Variants in AP1G1 observed in about 807,000 individuals in gnomAD.
AP1G1 encodes the protein AP-1 complex subunit gamma-1.
In AP1G1, 7 loss-of-function variants were observed where a neutral mutation model predicts 108.3. The observed-to-expected ratio is 0.06, with a 90% CI of 0.04 to 0.12. The LOEUF (loss-of-function observed/expected upper bound fraction) is 0.12. Ranked by LOEUF, AP1G1 falls within the 10% of genes least tolerant of loss-of-function variation. The pLI is 1.00. For missense variants in AP1G1, 756 were observed against 1,010.7 expected (o/e 0.75, Z 3.42); for synonymous variants, 379 against 353.5 (o/e 1.07, Z -0.81).
rs893639072 is a variant in AP1G1, at chr16:71,771,402, G to A, written c.469-150C>T. 28 of 550,746 alleles carry A rather than the reference G, an allele frequency of 5.1e-5. No homozygotes were observed. In the East Asian group the frequency reaches 8.8e-4, roughly 17 times the overall value. The allele number at this position is 550,746 out of a possible 1,614,324, so 34.1% of individuals were successfully genotyped here. A position where few individuals can be genotyped will look rare whatever the true frequency, so the allele number is the denominator to read the frequency against. ...GAAGAGGTTAGATATTAGATTTATG[G>A]CTCGACACAGTGATAGCCCACTCCT... On this transcript the variant is annotated intron_variant, in intron 4 of 22. Coordinates refer to ENST00000299980, the MANE Select transcript of AP1G1 (RefSeq NM_001128.6).
chr16:71,808,249 G>C (rs2033066480), intron 1 of AP1G1: 1 of 1,051,924 alleles, frequency 9.5e-7, no homozygotes, highest in Non-Finnish European at 1.2e-6. Context: ...AAGTTGGTCG[G>C]AAGGTTAGAG....
chr16:71,789,249 C>T, intron 2 of AP1G1, 30 bp downstream of exon 2: 1 of 1,587,624 alleles, frequency 6.3e-7, no homozygotes. Flanking sequence ...AAAGAATACC[C>T]TTGCTACATG....
At chr16:71,753,542 T>G in intron 13 of AP1G1, 1 of 362,178 alleles carries the variant, frequency 2.8e-6, no homozygotes, top group Non-Finnish European at 5.2e-6. Flanking sequence ...CTGCATGGCT[T>G]GCACCTCATG....
intron 13 of AP1G1, among the ~76,000 whole-genome samples, chr16:71,750,943 T>C (rs2030462383): frequency 6.6e-6 from 1 of 150,670 alleles, no homozygotes; most frequent in Non-Finnish European, 1.5e-5. Context: ...GATCACAAGG[T>C]CAGGAGATCG....
chr16:71,789,904 T>C (rs1388593442), intron 1 of AP1G1, among the ~76,000 whole-genome samples: 1 of 152,092 alleles, frequency 6.6e-6, no homozygotes, highest in Non-Finnish European at 1.5e-5. Flanking sequence ...TCAACAAAAA[T>C]AAATATGGTC....
At chr16:71,766,465 A>G (rs1344270753) in intron 6 of AP1G1, 1 of 463,614 alleles carries the variant, frequency 2.2e-6, no homozygotes, top group Non-Finnish European at 4.5e-6. Flanking sequence ...CAATTACTTG[A>G]TATTAAAACA....
At chr16:71,771,386 AG>A in intron 4 of AP1G1, 134 bp from the exon 5 acceptor site, 1 of 571,746 alleles carries the variant, frequency 1.7e-6, no homozygotes, top group Non-Finnish European at 3.0e-6. Flanking sequence ...GGAAGAGGTT[AG>A]ATATTAGATT....
chr16:71,792,853 A>AAAAG (rs1198246531), intron 1 of AP1G1, among the ~76,000 whole-genome samples: 1 of 151,358 alleles, frequency 6.6e-6, no homozygotes, highest in Admixed American at 6.6e-5. Flanking sequence ...GACTCTGTCA[A>AAAAG]AAAGAAAGAA....
At chr16:71,788,236 C>T (rs1325995359) in intron 2 of AP1G1, among the ~76,000 whole-genome samples, 2 of 152,148 alleles carry the variant, frequency 1.3e-5, no homozygotes, top group Non-Finnish European at 2.9e-5. Context: ...TAGTGTTGCA[C>T]ATTCTTTCTT....
intron 13 of AP1G1, among the ~76,000 whole-genome samples, chr16:71,752,062 C>G (rs1280001109): frequency 6.6e-6 from 1 of 152,020 alleles, no homozygotes; most frequent in Non-Finnish European, 1.5e-5. Context: ...CCACGTATTC[C>G]AGGTATGTAA....
At chr16:71,774,399 G>A (rs745498153) in intron 3 of AP1G1, 69 bp downstream of exon 3, 20 of 1,539,792 alleles carry the variant, frequency 1.3e-5, no homozygotes, top group Admixed American at 8.4e-5. Flanking sequence ...GCAAGACTCC[G>A]TCTCAAAGAA....
At chr16:71,803,630 G>C (rs986988683) in intron 1 of AP1G1, among the ~76,000 whole-genome samples, 4 of 151,934 alleles carry the variant, frequency 2.6e-5, no homozygotes, top group African/African-American at 9.7e-5. Flanking sequence ...AACTTAACAC[G>C]TATCTTCAAA....
At chr16:71,797,378 GCAAA>G (rs1313258736) in intron 1 of AP1G1, among the ~76,000 whole-genome samples, 1 of 151,944 alleles carries the variant, frequency 6.6e-6, no homozygotes, top group Non-Finnish European at 1.5e-5. Flanking sequence ...TTGAAAAAAA[GCAAA>G]CAAATTAACA....
chr16:71,740,486 G>A (rs1484626076), intron 19 of AP1G1, among the ~76,000 whole-genome samples: 1 of 152,034 alleles, frequency 6.6e-6, no homozygotes, highest in Non-Finnish European at 1.5e-5. Flanking sequence ...GTGAAATACT[G>A]GAAACAACCA....
rs773492992 is a variant in AP1G1, at chr16:71,746,700, T to C, written c.1626-8A>G. The C allele has an allele frequency of 1.4e-5, 22 of 1,594,558 alleles. 1 individual carries two copies. In the South Asian group the frequency reaches 2.2e-4, roughly 16 times the overall value. On this transcript the variant is annotated splice_polypyrimidine_tract_variant and splice_region_variant and intron_variant, in intron 16 of 22. Coordinates refer to ENST00000299980, the MANE Select transcript of AP1G1 (RefSeq NM_001128.6). Reference sequence around the variant, plus strand: ...ACCACTTTCTTAATTCGGCTATAGATAAAATGACAAACGAAATAAAATACC... The same window carrying C: ...ACCACTTTCTTAATTCGGCTATAGACAAAATGACAAACGAAATAAAATACC...
At position 71,729,634 on chromosome 16, in the gene AP1G1, A is replaced by T. The variant is rs2045459771; in HGVS notation, c.*3424T>A. On this transcript the variant is annotated 3_prime_UTR_variant, in exon 23 of 23. Transcript: ENST00000299980. The stretch of plus-strand genomic sequence containing the variant: ...CACTTCCAGTTCTACAAGCAGCCCC[A>T]CTCTCCCGAGCCAAAGCTGGTCAAA... The T allele has an allele frequency of 1.3e-5, 2 of 152,052 alleles. No homozygotes were observed. The highest frequency in any genetic ancestry group is 4.9e-5 in the African/African-American group (2 of 41,210). The allele number at this position is 152,052 out of a possible 1,614,324, so 9.4% of individuals were successfully genotyped here.
At chr16:71,803,985 A>G (rs370299736) in intron 1 of AP1G1, among the ~76,000 whole-genome samples, 3 of 151,768 alleles carry the variant, frequency 2.0e-5, no homozygotes, top group Non-Finnish European at 2.9e-5. Flanking sequence ...CATTGAAATA[A>G]AATTTTCTAT....
intron 4 of AP1G1, among the ~76,000 whole-genome samples, chr16:71,771,748 A>G (rs906064042): frequency 2.6e-5 from 4 of 152,206 alleles, no homozygotes; most frequent in Non-Finnish European, 5.9e-5. Flanking sequence ...ATAGATAACA[A>G]TCTCAATCTG....
chr16:71,766,041 T>C (rs965699910), intron 6 of AP1G1, among the ~76,000 whole-genome samples: 16 of 152,112 alleles, frequency 1.1e-4, no homozygotes, highest in African/African-American at 3.1e-4. Context: ...CTTTAAAACA[T>C]ACAACCTCAA....
Sources: gnomAD v4.1 joint callset for allele counts (sites outside exome capture counted in the v4.1 genomes callset) on GRCh38, gnomAD v4.1.1 for gene constraint, MANE v1.5 for transcripts, NCBI Gene and HGNC (gene_info 2026-07-23, HGNC 2026-07-21) for gene names.